The following APOE variants were observed in gnomAD, a reference collection of about 807,000 sequenced individuals.
APOE encodes the protein apolipoprotein E3.
Under a neutral mutation model 13.1 loss-of-function variants are expected in APOE, and 10 were observed. The ratio of observed to expected loss-of-function variants is 0.76; its 90% CI spans 0.47 to 1.29. APOE has a LOEUF of 1.29. Ranked by LOEUF, APOE falls within the 50% of genes most tolerant of loss-of-function variation. APOE has a pLI of 0.00. For missense variants in APOE, 471 were observed against 459.6 expected (o/e 1.02, Z -0.23); for synonymous variants, 211 against 207.1 (o/e 1.02, Z -0.16).
At chr19:44,908,170 C>G (rs1261606869) in intron 3 of APOE, among the ~76,000 whole-genome samples, 1 of 152,152 alleles carries the variant, frequency 6.6e-6, no homozygotes, top group Non-Finnish European at 1.5e-5. Flanking sequence ...CTCTCACACT[C>G]GTCCTGGCTC....
In APOE at chr19:44,907,652, C is replaced by A. The variant is rs1969832041; in HGVS notation, c.44-108C>A. On this transcript the variant is annotated intron_variant, in intron 2 of 3. Coordinates refer to ENST00000252486, the MANE Select transcript of APOE (RefSeq NM_000041.4). The surrounding 1 kb of genome is among the most constrained non-coding windows in gnomAD (Gnocchi z 4.1). ...CCGACTCCCCCCTCACCCTGCCCAC[C>A]ATGGCTCCAAAGAAGCATTTGTGGA... is the stretch of plus-strand genomic sequence containing the variant. 8 of 979,096 alleles carry A rather than the reference C, an allele frequency of 8.2e-6. No homozygotes were observed. In the South Asian group the frequency reaches 9.7e-5, roughly 12 times the overall value. 60.7% of individuals were successfully genotyped at this position (979,096 alleles called of 1,614,324 possible).
In APOE at chr19:44,909,151, C is replaced by G. The variant is rs1398552850; in HGVS notation, c.855C>G (p.Pro285=). 5.0e-6 allele frequency: 8 copies of G among 1,601,614 alleles called. No homozygotes were observed. Among genetic ancestry groups the G allele is most frequent in the Non-Finnish European group, 6.8e-6 (8 of 1,178,946 alleles). The part of the protein sequence containing the change: ...FQARLKSWFE[P]LVEDMQRQWA... ...CCCGCCTCAAGAGCTGGTTCGAGCC[C>G]CTGGTGGAAGACATGCAGCGCCAGT... The change falls in exon 4 of 4, where the codon CCC becomes CCG. Residue 285 remains proline, a synonymous_variant. Transcript: ENST00000252486.
chr19:44,909,193 G>A lies in APOE; in HGVS notation c.897G>A (p.Glu299=). Residue 299 remains glutamate (E), a synonymous_variant, in exon 4 of 4, where the codon GAG becomes GAA. Transcript: ENST00000252486. ...DMQRQWAGLV[E]KVQAAVGTSA... ...AGCGCCAGTGGGCCGGGCTGGTGGA[G>A]AAGGTGCAGGCTGCCGTGGGCACCA... 1 of 1,598,612 alleles carries A rather than the reference G, an allele frequency of 6.3e-7. No homozygotes were observed. The highest frequency in any genetic ancestry group is 8.5e-7 in the Non-Finnish European group (1 of 1,178,964).
intron 3 of APOE, 60 bp downstream of exon 3, chr19:44,908,012 C>T: frequency 6.5e-7 from 1 of 1,527,608 alleles, no homozygotes; most frequent in Non-Finnish European, 9.0e-7. Flanking sequence ...TCCCCAGGTC[C>T]AGGTTTCATT....
At position 44,905,816 on chromosome 19, in the gene APOE, T is replaced by G. The variant is rs1157180379; in HGVS notation, c.-49T>G. ...GAGTCCTACTCAGCCCCAGCGGAGG[T>G]GAAGGACGTCCTTCCCCAGGAGCCG... On this transcript the variant is annotated 5_prime_UTR_variant, in exon 1 of 4. Transcript: ENST00000252486. 1 of 1,279,708 alleles carries G rather than the reference T, an allele frequency of 7.8e-7. No homozygotes were observed. Among genetic ancestry groups the G allele is most frequent in the Middle Eastern group, 2.3e-4 (1 of 4,264 alleles). 79.3% of individuals were successfully genotyped at this position (1,279,708 alleles called of 1,614,324 possible).
rs954186991 is a variant in APOE, at chr19:44,908,762, G to T, written c.466G>T (p.Ala156Ser). The T allele has an allele frequency of 1.3e-6, 2 of 1,559,672 alleles. No individual in the cohort carries two copies. The highest frequency in any genetic ancestry group is 1.7e-6 in the Non-Finnish European group (2 of 1,154,026). The change falls in exon 4 of 4, where the codon GCC (alanine) becomes TCC (serine). Residue 156 changes from alanine to serine, a missense_variant. Physicochemically the swap from Ala to Ser is moderately conservative, Grantham distance 99 (BLOSUM62 1). Coordinates refer to ENST00000252486, the MANE Select transcript of APOE (RefSeq NM_000041.4). ...CACCGAGGAGCTGCGGGTGCGCCTCGCCTCCCACCTGCGCAAGCTGCGTAA... is the reference window on the plus strand; with the variant it reads ...CACCGAGGAGCTGCGGGTGCGCCTCTCCTCCCACCTGCGCAAGCTGCGTAA... ...QSTEELRVRL[A>S]SHLRKLRKRL...
Position 44,907,290 on chromosome 19 carries a change from C to G in APOE, c.44-470C>G, listed in dbSNP as rs547294441. 3.9e-6 allele frequency: 1 copy of G among 255,762 alleles called. No individual in the cohort carries two copies. The highest frequency in any genetic ancestry group is 7.7e-6 in the Non-Finnish European group (1 of 129,150). The allele number at this position is 255,762 out of a possible 1,614,324, so 15.8% of individuals were successfully genotyped here. ...CCCACACAGCCCTGCCTGGGGCACA[C>G]AAGGACACTCAATACATGCTTTTCC... On this transcript the variant is annotated intron_variant, in intron 2 of 3. Transcript: ENST00000252486. The surrounding 1 kb of genome is among the most constrained non-coding windows in gnomAD (Gnocchi z 4.1).
In APOE at chr19:44,905,889, A is replaced by G. The variant is rs771620473; in HGVS notation, c.-24+48A>G. 1.5e-5 allele frequency: 20 copies of G among 1,295,912 alleles called. No individual in the cohort carries two copies. The South Asian group carries it at 2.5e-4, about 16-fold the overall frequency. The allele number at this position is 1,295,912 out of a possible 1,614,324, so 80.3% of individuals were successfully genotyped here. ...CGGGGATGAGCTCAGGGGCCTCTAG[A>G]AAGAGCTGGGACCCTGGGAACCCCT... On this transcript the variant is annotated intron_variant, in intron 1 of 3. Transcript: ENST00000252486.
At chr19:44,905,965 G>C (rs1181398193) in intron 1 of APOE, 124 bp downstream of exon 1, 1 of 1,274,214 alleles carries the variant, frequency 7.8e-7, no homozygotes, top group African/African-American at 1.6e-5. Context: ...TTGGGGAGAG[G>C]AGGAGCGGGG....
chr19:44,907,692 C>G lies in APOE; in HGVS notation c.44-68C>G. On this transcript the variant is annotated intron_variant, in intron 2 of 3. Transcript: ENST00000252486. The surrounding 1 kb of genome is among the most constrained non-coding windows in gnomAD (Gnocchi z 4.1). ...GCATTTGTGGAGCACCTTCTGTGTG[C>G]CCCTAGGTACTAGATGCCTGGACGG... 7.1e-7 allele frequency: 1 copy of G among 1,416,532 alleles called. No homozygotes were observed. The highest frequency in any genetic ancestry group is 1.2e-5 in the South Asian group (1 of 82,140). 87.7% of individuals were successfully genotyped at this position (1,416,532 alleles called of 1,614,324 possible).
rs1453097502 is a variant in APOE at position 44,906,694 on chromosome 19, C to T, written c.43+27C>T. On this transcript the variant is annotated intron_variant, in intron 2 of 3. Coordinates refer to ENST00000252486, the MANE Select transcript of APOE (RefSeq NM_000041.4). ...TATGGGGGCGGGGCTTGCTCGGTTCCCCCCGCTCCTCCCCCTCTCATCCTC... is the reference window on the plus strand; with the variant it reads ...TATGGGGGCGGGGCTTGCTCGGTTCTCCCCGCTCCTCCCCCTCTCATCCTC... The T allele has an allele frequency of 3.1e-6, 5 of 1,611,104 alleles. No homozygotes were observed. The African/African-American group carries it at 5.3e-5, about 17-fold the overall frequency.
At chr19:44,908,421 G>A (rs535397097) in intron 3 of APOE, 112 bp from the exon 4 acceptor site, 42 of 1,088,984 alleles carry the variant, frequency 3.9e-5, no homozygotes, top group East Asian at 3.7e-4. Context: ...CCTCTGCCCC[G>A]TTCCTTCTCT....
In APOE at chr19:44,909,328, G is replaced by A; in HGVS notation, c.*78G>A. ...CGCGCAGCCTGCAGCGGGAGACCCTGTCCCCGCCCCAGCCGTCCTCCTGGG... is the reference window on the plus strand; with the variant it reads ...CGCGCAGCCTGCAGCGGGAGACCCTATCCCCGCCCCAGCCGTCCTCCTGGG... On this transcript the variant is annotated 3_prime_UTR_variant, in exon 4 of 4. Transcript: ENST00000252486. The A allele has an allele frequency of 2.9e-6, 4 of 1,385,780 alleles. No homozygotes were observed. The highest frequency in any genetic ancestry group is 4.0e-6 in the Non-Finnish European group (4 of 994,400). 85.8% of individuals were successfully genotyped at this position (1,385,780 alleles called of 1,614,324 possible). A position where few individuals can be genotyped will look rare whatever the true frequency, so the allele number is the denominator to read the frequency against.
chr19:44,906,530 G>C (rs990603361), intron 1 of APOE, 72 bp from the exon 2 acceptor site: 7 of 1,553,060 alleles, frequency 4.5e-6, no homozygotes, highest in African/African-American at 1.4e-5. Flanking sequence ...CTGGGGTGAG[G>C]CCGGGTTGGG....
chr19:44,908,138 C>T (rs1969845492), intron 3 of APOE, among the ~76,000 whole-genome samples, 186 bp downstream of exon 3: 1 of 152,184 alleles, frequency 6.6e-6, no homozygotes, highest in South Asian at 2.1e-4. Flanking sequence ...CTTTGTCTCT[C>T]TCTCTTCCCT....
Position 44,906,943 on chromosome 19 carries a change from G to C in APOE, c.43+276G>C. The C allele has an allele frequency of 6.2e-6, 3 of 486,488 alleles. No individual in the cohort carries two copies. The South Asian group carries it at 6.8e-5, about 11-fold the overall frequency. The allele number at this position is 486,488 out of a possible 1,614,324, so 30.1% of individuals were successfully genotyped here. A position where few individuals can be genotyped will look rare whatever the true frequency, so the allele number is the denominator to read the frequency against. ...TCGCCCAGGCTGGAGTGCAGTGGCG[G>C]GATCTCGGCTCACTGCAAGCTCCGC... On this transcript the variant is annotated intron_variant, in intron 2 of 3. Coordinates refer to ENST00000252486, the MANE Select transcript of APOE (RefSeq NM_000041.4).
intron 1 of APOE, among the ~76,000 whole-genome samples, chr19:44,906,106 C>CTA (rs1166365707): frequency 6.6e-6 from 1 of 152,084 alleles, no homozygotes; most frequent in Non-Finnish European, 1.5e-5. Context: ...CGAGTTGTCA[C>CTA]TATCATTTAT....
In APOE at chr19:44,907,749, G is replaced by T; in HGVS notation, c.44-11G>T. On this transcript the variant is annotated splice_polypyrimidine_tract_variant and intron_variant, in intron 2 of 3. Transcript: ENST00000252486. The surrounding 1 kb of genome is among the most constrained non-coding windows in gnomAD (Gnocchi z 4.1). ...AAGGACCCTGACCCACCTTGAACTTGTTCCACACAGGATGCCAGGCCAAGG... is the reference window on the plus strand; with the variant it reads ...AAGGACCCTGACCCACCTTGAACTTTTTCCACACAGGATGCCAGGCCAAGG... 5.6e-6 allele frequency: 9 copies of T among 1,604,782 alleles called. No individual in the cohort carries two copies. Among genetic ancestry groups the T allele is most frequent in the Non-Finnish European group, 6.8e-6 (8 of 1,178,088 alleles).
Position 44,907,917 on chromosome 19 carries a change from G to T in APOE, c.201G>T (p.Glu67Asp). 6.2e-7 allele frequency: 1 copy of T among 1,613,876 alleles called. No homozygotes were observed. The highest frequency in any genetic ancestry group is 2.2e-5 in the East Asian group (1 of 44,874). ...WVQTLSEQVQ[E>D]ELLSSQVTQE... is the part of the protein sequence containing the mutation. ...AGACACTGTCTGAGCAGGTGCAGGA[G>T]GAGCTGCTCAGCTCCCAGGTCACCC... Residue 67 changes from glutamate (E) to aspartate (D), a missense_variant, in exon 3 of 4, where the codon GAG (glutamate) becomes GAT (aspartate). By Grantham distance (45) the Glu-to-Asp change is conservative. Transcript: ENST00000252486. The surrounding 1 kb of genome is among the most constrained non-coding windows in gnomAD (Gnocchi z 4.1).
Sources: gnomAD v4.1 joint callset for allele counts (sites outside exome capture counted in the v4.1 genomes callset) on GRCh38, gnomAD v4.1.1 for gene constraint, Gnocchi (gnomAD v3.1) non-coding constraint, MANE v1.5 for transcripts, NCBI Gene and HGNC (gene_info 2026-07-23, HGNC 2026-07-21) for gene names.